Variants in ABHD12B observed in about 807,000 individuals in gnomAD.
The protein encoded by ABHD12B is abhydrolase domain containing 12B.
A neutral mutation model predicts 50.4 loss-of-function variants in ABHD12B; 42 were observed. That is an observed-to-expected ratio of 0.83 (90% CI 0.65 to 1.08). The LOEUF (loss-of-function observed/expected upper bound fraction) is 1.08. ABHD12B is among the 50% of genes least tolerant of loss of function. The pLI, the probability that ABHD12B is intolerant of heterozygous loss-of-function variation, is 0.00. For synonymous variants in ABHD12B, 167 were observed against 160.3 expected (o/e 1.04, Z -0.32); for missense variants, 479 against 447.7 (o/e 1.07, Z -0.63).
intron 9 of ABHD12B, 77 bp from the exon 10 acceptor site, chr14:50,901,752 G>T: frequency 1.1e-6 from 1 of 913,562 alleles, no homozygotes; most frequent in Non-Finnish European, 1.6e-6. Context: ...TGTTACCCTG[G>T]TTCATAGTGA....
intron 9 of ABHD12B, among the ~76,000 whole-genome samples, chr14:50,890,281 G>A (rs143758075): frequency 0.01 from 1,560 of 152,116 alleles, 21 homozygotes; most frequent in African/African-American, 0.036. Flanking sequence ...GAAATTTAGC[G>A]AAATAAGGAA....
At chr14:50,896,568 A>T (rs1185545167) in intron 9 of ABHD12B, among the ~76,000 whole-genome samples, 1 of 147,222 alleles carries the variant, frequency 6.8e-6, no homozygotes, top group Non-Finnish European at 1.5e-5. Flanking sequence ...TGAGTGATTA[A>T]CCCTGTGAAT....
intron 8 of ABHD12B, among the ~76,000 whole-genome samples, chr14:50,887,164 A>C (rs1263008627): frequency 7.9e-6 from 1 of 127,156 alleles, no homozygotes; most frequent in Non-Finnish European, 1.6e-5. Context: ...CAGTAAGCCG[A>C]GATTGCCACT....
intron 9 of ABHD12B, among the ~76,000 whole-genome samples, chr14:50,896,063 C>T (rs889316869): frequency 6.6e-6 from 1 of 152,054 alleles, no homozygotes; most frequent in East Asian, 1.9e-4. Flanking sequence ...CCGACCTTAA[C>T]CCACAAGTAT....
intron 1 of ABHD12B, among the ~76,000 whole-genome samples, chr14:50,875,452 C>G (rs2049848105): frequency 6.6e-6 from 1 of 152,242 alleles, no homozygotes; most frequent in African/African-American, 2.4e-5. Context: ...TGTAGCAGCT[C>G]AGACTCCACC....
chr14:50,872,210 C>A lies in ABHD12B; in HGVS notation c.36C>A (p.Pro12=). The change falls in exon 1 of 13, where the codon CCC becomes CCA. Residue 12 remains proline, a synonymous_variant. Coordinates refer to ENST00000337334, the MANE Select transcript of ABHD12B (RefSeq NM_001206673.2). ...DAQDCQAAAS[P]EPPGPPARSC... ...AGGACTGCCAGGCGGCCGCATCGCCCGAGCCGCCCGGGCCCCCAGCCCGTA... is the reference window on the plus strand; with the variant it reads ...AGGACTGCCAGGCGGCCGCATCGCCAGAGCCGCCCGGGCCCCCAGCCCGTA... 7.3e-7 allele frequency: 1 copy of A among 1,377,606 alleles called. No homozygotes were observed. Among genetic ancestry groups the A allele is most frequent in the Non-Finnish European group, 9.4e-7 (1 of 1,063,850 alleles). The allele number at this position is 1,377,606 out of a possible 1,614,324, so 85.3% of individuals were successfully genotyped here.
At chr14:50,878,670 T>A in intron 2 of ABHD12B, 75 bp from the exon 3 acceptor site, 11 of 1,223,014 alleles carry the variant, frequency 9.0e-6, no homozygotes, top group Non-Finnish European at 1.2e-5. Flanking sequence ...CTGTGTAGGC[T>A]AATTCCTTTC....
chr14:50,903,438 A>C lies in ABHD12B; in HGVS notation c.913A>C (p.Arg305=), dbSNP rs768277410. 5 of 1,612,882 alleles carry C rather than the reference A, an allele frequency of 3.1e-6. No individual in the cohort carries two copies. Among genetic ancestry groups the C allele is most frequent in the Non-Finnish European group, 4.2e-6 (5 of 1,179,132 alleles). The part of the protein sequence containing the change: ...PLLILHGEDD[R]TVPLEYGKKL... ...TCTCATCTTACATGGAGAGGATGAC[A>C]GGACAGTGCCTTTGGAGTATGGGAA... Residue 305 remains arginine, a synonymous_variant, in exon 11 of 13, where the codon AGG becomes CGG. Transcript: ENST00000337334.
intron 9 of ABHD12B, among the ~76,000 whole-genome samples, chr14:50,890,707 T>C (rs188594201): frequency 1.3e-5 from 2 of 152,344 alleles, no homozygotes; most frequent in East Asian, 3.9e-4. Flanking sequence ...ATTGATCTAT[T>C]GTGTTGTTTA....
intron 9 of ABHD12B, among the ~76,000 whole-genome samples, chr14:50,894,323 TGTGCCCTAATCCCTTATTTCC>T (rs1043377561): frequency 6.6e-6 from 1 of 152,126 alleles, no homozygotes; most frequent in Admixed American, 6.5e-5. Context: ...CTCTTATCTC[TGTGCCCTAATCCCTTATTTCC>T]GTGCCCCAAC....
chr14:50,896,758 C>T (rs1418635209), intron 9 of ABHD12B, among the ~76,000 whole-genome samples: 2 of 152,150 alleles, frequency 1.3e-5, no homozygotes. Context: ...TAAAACGGCC[C>T]CACCCCTATC....
intron 9 of ABHD12B, among the ~76,000 whole-genome samples, chr14:50,890,023 T>C (rs1316313060): frequency 6.6e-6 from 1 of 152,196 alleles, no homozygotes; most frequent in Non-Finnish European, 1.5e-5. Flanking sequence ...CTTTAATATC[T>C]AAGTTTAACT....
intron 5 of ABHD12B, among the ~76,000 whole-genome samples, chr14:50,883,525 G>A (rs958181487): frequency 2.6e-5 from 4 of 152,252 alleles, no homozygotes; most frequent in Non-Finnish European, 4.4e-5. Flanking sequence ...TCTGCACCCT[G>A]CCCTTTGCAT....
chr14:50,876,066 G>T (rs927513392), intron 1 of ABHD12B, among the ~76,000 whole-genome samples: 1 of 152,122 alleles, frequency 6.6e-6, no homozygotes, highest in African/African-American at 2.4e-5. Flanking sequence ...TTGATCTGTG[G>T]CTCAAAGTGG....
chr14:50,878,944 C>G, intron 3 of ABHD12B, 97 bp downstream of exon 3: 1 of 966,478 alleles, frequency 1.0e-6, no homozygotes, highest in Non-Finnish European at 1.6e-6. Flanking sequence ...ACGGAGAGGT[C>G]GGTGCTCCTG....
At chr14:50,892,726 C>T (rs963772690) in intron 9 of ABHD12B, 1 of 346,300 alleles carries the variant, frequency 2.9e-6, no homozygotes, top group East Asian at 1.7e-4. Context: ...TTAGATAGTA[C>T]TTAATACCAT....
In ABHD12B at chr14:50,904,465, G is replaced by A; in HGVS notation, c.*99G>A. On this transcript the variant is annotated 3_prime_UTR_variant, in exon 13 of 13. Coordinates refer to ENST00000337334, the MANE Select transcript of ABHD12B (RefSeq NM_001206673.2). ...AAATTGTACTGGGCTGGTCGGATGA[G>A]CTGAGGCCATTGACTTCTCTACAAA... is the stretch of plus-strand genomic sequence containing the variant. 6.7e-7 allele frequency: 1 copy of A among 1,496,390 alleles called. No homozygotes were observed. The highest frequency in any genetic ancestry group is 1.4e-5 in the African/African-American group (1 of 72,816). The allele number at this position is 1,496,390 out of a possible 1,614,324, so 92.7% of individuals were successfully genotyped here. A position where few individuals can be genotyped will look rare whatever the true frequency, so the allele number is the denominator to read the frequency against.
At chr14:50,874,263 G>A (rs532497750) in intron 1 of ABHD12B, among the ~76,000 whole-genome samples, 1 of 152,220 alleles carries the variant, frequency 6.6e-6, no homozygotes, top group African/African-American at 2.4e-5. Flanking sequence ...AGGTGGGTGG[G>A]CCAAGGAGAG....
intron 1 of ABHD12B, 61 bp from the exon 2 acceptor site, chr14:50,877,891 A>G: frequency 6.9e-7 from 1 of 1,450,374 alleles, no homozygotes; most frequent in Non-Finnish European, 9.0e-7. Flanking sequence ...AAAAAGAAAA[A>G]AACAAACCAA....
Sources: allele counts gnomAD v4.1 joint callset (sites outside exome capture counted in the v4.1 genomes callset), GRCh38; gene constraint gnomAD v4.1.1; transcripts MANE v1.5; gene names NCBI Gene and HGNC (gene_info 2026-07-23, HGNC 2026-07-21).